The following IL3RA variants were observed in gnomAD, a reference collection of about 807,000 sequenced individuals.
IL3RA encodes interleukin 3 receptor subunit alpha.
A neutral mutation model predicts 52.3 loss-of-function variants in IL3RA; 73 were observed. That is an observed-to-expected ratio of 1.40 (90% CI 1.16 to 1.70). The LOEUF is 1.70. Among genes scored for constraint, IL3RA ranks in the 40% most tolerant of loss-of-function variants. The pLI is 0.00. For missense variants in IL3RA, 664 were observed against 504.4 expected (o/e 1.32, Z -3.03); for synonymous variants, 260 against 194.0 (o/e 1.34, Z -2.83).
In IL3RA at chrX:1,356,222, GAT is replaced by G; in HGVS notation, c.621_622del (p.Leu208AsnfsTer10). ...DKFVVFSQIEILTPPNMTAKC... is the reference protein window; with the variant it reads ...DKFVVFSQIEXLTPPNMTAKC... The stretch of plus-strand genomic sequence containing the variant: ...TAAAAGTGTTTTTCTCGTTGCTAGA[GAT>G]ATTAACTCCACCCAACATGACTGCA... On this transcript the variant is annotated frameshift_variant and splice_region_variant, in exon 7 of 12. Coordinates refer to ENST00000331035, the MANE Select transcript of IL3RA (RefSeq NM_002183.4). LOFTEE classifies it high-confidence loss of function. 2 of 1,582,218 alleles carry G rather than the reference GAT, an allele frequency of 1.3e-6. No individual in the cohort carries two copies. Among genetic ancestry groups the G allele is most frequent in the Non-Finnish European group, 1.7e-6 (2 of 1,152,776 alleles).
chrX:1,349,110 C>G (rs1175903935), intron 4 of IL3RA, among the ~76,000 whole-genome samples: 1 of 151,574 alleles, frequency 6.6e-6, no homozygotes, highest in Non-Finnish European at 1.5e-5. Context: ...TGAGCTCAAA[C>G]AATCCTTCTG....
intron 9 of IL3RA, among the ~76,000 whole-genome samples, chrX:1,367,938 C>T (rs1213428634): frequency 3.9e-5 from 6 of 152,018 alleles, no homozygotes; most frequent in African/African-American, 7.2e-5. Context: ...GGTGAACTCA[C>T]AGCTTGCTCT....
At chrX:1,354,908 T>G (rs865902757) in intron 6 of IL3RA, among the ~76,000 whole-genome samples, 2 of 10,610 alleles carry the variant, frequency 1.9e-4, no homozygotes, top group African/African-American at 4.6e-4. Flanking sequence ...ATAGAGAAGG[T>G]GGGGTAGAAG....
At position 1,341,083 on chromosome X, in the gene IL3RA, C is replaced by T. The variant is rs752995388; in HGVS notation, c.-38-645C>T. Among the ~76,000 whole-genome samples, 6 of 152,086 alleles carry T rather than the reference C, an allele frequency of 3.9e-5. No homozygotes were observed. In the South Asian group the frequency reaches 8.3e-4, roughly 21 times the overall value. ...AGTGAGCCCAGATCACGCCATTGCA[C>T]TCCAGCCTGGGCAACAAGAGCAAAA... is the stretch of plus-strand genomic sequence containing the variant. On this transcript the variant is annotated intron_variant, in intron 1 of 11. Transcript: ENST00000331035.
intron 8 of IL3RA, among the ~76,000 whole-genome samples, chrX:1,359,830 T>G (rs1406526327): frequency 1.5e-5 from 2 of 135,516 alleles, no homozygotes; most frequent in South Asian, 5.5e-4. Flanking sequence ...CTCTCTCTCC[T>G]GGTCTCTGTC....
intron 1 of IL3RA, among the ~76,000 whole-genome samples, chrX:1,337,822 A>G (rs2085364065): frequency 6.6e-6 from 1 of 150,784 alleles, no homozygotes; most frequent in African/African-American, 2.5e-5. Flanking sequence ...CAGCCATGAA[A>G]AGGAACAAGC....
At chrX:1,362,502 C>T (rs2087526425) in intron 8 of IL3RA, among the ~76,000 whole-genome samples, 1 of 150,374 alleles carries the variant, frequency 6.7e-6, no homozygotes, top group African/African-American at 2.5e-5. Context: ...CTATCTCTGT[C>T]TATGTCTGTT....
At chrX:1,353,021 C>A (rs2086208260) in intron 6 of IL3RA, among the ~76,000 whole-genome samples, 1 of 141,650 alleles carries the variant, frequency 7.1e-6, no homozygotes, top group Admixed American at 7.0e-5. Flanking sequence ...CATAGAACCC[C>A]CTATCATGGA....
chrX:1,355,655 C>CT (rs2086653947), intron 6 of IL3RA, among the ~76,000 whole-genome samples: 2 of 124,894 alleles, frequency 1.6e-5, no homozygotes, highest in Admixed American at 8.2e-5. Context: ...CCCTGGGGGG[C>CT]GGAGGTGGGG....
intron 7 of IL3RA, among the ~76,000 whole-genome samples, chrX:1,358,571 A>T (rs1459161816): frequency 1.3e-5 from 2 of 152,176 alleles, no homozygotes. Context: ...AGGCAAAAGA[A>T]TCACTTGAAT....
intron 9 of IL3RA, among the ~76,000 whole-genome samples, chrX:1,378,229 A>G (rs2088934612): frequency 6.6e-6 from 1 of 151,790 alleles, no homozygotes; most frequent in Non-Finnish European, 1.5e-5. Flanking sequence ...TAACACACAC[A>G]CACAAATTCC....
At chrX:1,365,080 G>A in intron 8 of IL3RA, 58 bp from the exon 9 acceptor site, 3 of 1,325,244 alleles carry the variant, frequency 2.3e-6, no homozygotes, top group African/African-American at 1.5e-5. Flanking sequence ...AAGTGCCCAG[G>A]TGAGAGTCAT....
intron 4 of IL3RA, among the ~76,000 whole-genome samples, chrX:1,350,670 G>T (rs769280638): frequency 4.6e-5 from 7 of 150,570 alleles, no homozygotes; most frequent in African/African-American, 1.5e-4. Context: ...GGGAGGCCGA[G>T]GTGGGTGGAT....
intron 8 of IL3RA, among the ~76,000 whole-genome samples, chrX:1,362,470 GTCTC>G (rs1168575653): frequency 1.5e-5 from 2 of 137,484 alleles, no homozygotes; most frequent in Non-Finnish European, 3.1e-5. Flanking sequence ...GTTTCTATCT[GTCTC>G]TCTCTGTCCA....
intron 2 of IL3RA, among the ~76,000 whole-genome samples, chrX:1,344,623 A>G (rs2085646299): frequency 6.7e-6 from 1 of 149,972 alleles, no homozygotes; most frequent in Non-Finnish European, 1.5e-5. Context: ...AAATACAAAA[A>G]TTAGCCGGGC....
chrX:1,377,665 A>AT (rs1191171043), intron 9 of IL3RA, among the ~76,000 whole-genome samples: 6 of 144,486 alleles, frequency 4.2e-5, no homozygotes, highest in African/African-American at 1.5e-4. Context: ...TCATAGATGT[A>AT]TGTTTTTTTT....
At chrX:1,355,892 C>G (rs1234225876) in intron 6 of IL3RA, among the ~76,000 whole-genome samples, 4 of 151,944 alleles carry the variant, frequency 2.6e-5, no homozygotes, top group Non-Finnish European at 5.9e-5. Context: ...GGGGCAGGGA[C>G]AAAGATGTGC....
chrX:1,364,421 G>A (rs1385637313), intron 8 of IL3RA, among the ~76,000 whole-genome samples: 1 of 152,078 alleles, frequency 6.6e-6, no homozygotes, highest in Non-Finnish European at 1.5e-5. Flanking sequence ...AATCTGGGAG[G>A]CGGAGGTTGC....
chrX:1,366,726 AGCGGGGTGC>A (rs1185092380), intron 9 of IL3RA, among the ~76,000 whole-genome samples: 1 of 4,510 alleles, frequency 2.2e-4, no homozygotes, highest in Non-Finnish European at 3.1e-4. Context: ...GCGCGGAGTG[AGCGGGGTGC>A]GCGGGGTGCG....
Sources: allele counts gnomAD v4.1 joint callset (sites outside exome capture counted in the v4.1 genomes callset), GRCh38; gene constraint gnomAD v4.1.1; transcripts MANE v1.5; gene names NCBI Gene and HGNC (gene_info 2026-07-23, HGNC 2026-07-21).